The following CENPN variants were observed in gnomAD, a reference collection of about 807,000 sequenced individuals.
CENPN encodes the protein interphase centromere complex protein 32.
Under a neutral mutation model 48.6 loss-of-function variants are expected in CENPN, and 36 were observed. The ratio of observed to expected loss-of-function variants is 0.74; its 90% CI spans 0.57 to 0.98. The LOEUF (loss-of-function observed/expected upper bound fraction) is 0.98. Among genes scored for constraint, CENPN ranks in the 50% least tolerant of loss-of-function variants. The pLI is 0.00. For missense variants in CENPN, 439 were observed against 399.2 expected, an observed-to-expected ratio of 1.10 and a Z score of -0.85; for synonymous variants, 166 against 135.2, an observed-to-expected ratio of 1.23 and a Z score of -1.58.
rs929386059 is a variant in CENPN at position 81,010,956 on chromosome 16, C to G, written c.-10-974C>G. The stretch of plus-strand genomic sequence containing the variant: ...TCTCAGTACAGTAGCGAGATTGATC[C>G]TGGTAGAAAAGCTAAACAAGAGCAT... On this transcript the variant is annotated intron_variant, in intron 1 of 10. Transcript: ENST00000305850. Among the ~76,000 whole-genome samples, 11 of 152,168 alleles carry G rather than the reference C, an allele frequency of 7.2e-5. No homozygotes were observed. In the East Asian group the frequency reaches 1.3e-3, roughly 19 times the overall value.
At chr16:81,008,011 G>T (rs1486866733) in intron 1 of CENPN, among the ~76,000 whole-genome samples, 1 of 152,092 alleles carries the variant, frequency 6.6e-6, no homozygotes, top group Non-Finnish European at 1.5e-5. Context: ...GGAGGCTGAG[G>T]CAGGAGAAGC....
At position 81,020,085 on chromosome 16, in the gene CENPN, T is replaced by G. The variant is rs761787192; in HGVS notation, c.355-15T>G. 1.6e-5 allele frequency: 25 copies of G among 1,588,374 alleles called. No individual in the cohort carries two copies. In the African/African-American group the frequency reaches 2.7e-4, roughly 17 times the overall value. On this transcript the variant is annotated splice_polypyrimidine_tract_variant and intron_variant, in intron 5 of 10. Transcript: ENST00000305850. Reference sequence around the variant, plus strand: ...TAATTAGGAAATTAAGCCTTTTTTTTTTTTCTTTAATAAGGTGACAGTCAG... The same window carrying G: ...TAATTAGGAAATTAAGCCTTTTTTTGTTTTCTTTAATAAGGTGACAGTCAG...
chr16:81,026,533 A>T lies in CENPN; in HGVS notation c.705A>T (p.Ser235=). 2.6e-6 allele frequency: 4 copies of T among 1,562,578 alleles called. No individual in the cohort carries two copies. Among genetic ancestry groups the T allele is most frequent in the Non-Finnish European group, 3.5e-6 (4 of 1,137,110 alleles). ...RSLGLDINMD[S]RIIHENIVEK... is the part of the protein sequence containing the mutation. ...GAAATCTTCCACCCATAGTGGATTC[A>T]AGGATCATTCATGAAAACATAGTAG... Residue 235 remains serine, a synonymous_variant, in exon 9 of 11, where the codon TCA becomes TCT. Coordinates refer to ENST00000305850, the MANE Select transcript of CENPN (RefSeq NM_001100624.3).
downstream of CENPN, chr16:81,032,525 A>G (rs1970814153): frequency 2.0e-6 from 3 of 1,528,694 alleles, no homozygotes; most frequent in Non-Finnish European, 2.6e-6. Flanking sequence ...TTCTCCTATT[A>G]ATCCGTCTTT....
chr16:81,020,381 G>T, intron 6 of CENPN, 105 bp downstream of exon 6: 2 of 1,155,458 alleles, frequency 1.7e-6, no homozygotes, highest in East Asian at 5.5e-5. Flanking sequence ...TACTAGGCCA[G>T]GTGCAGTGGC....
In CENPN at chr16:81,029,432, C is replaced by A; in HGVS notation, c.*781C>A. The A allele has an allele frequency of 5.0e-6, 2 of 400,142 alleles. No individual in the cohort carries two copies. Among genetic ancestry groups the A allele is most frequent in the Non-Finnish European group, 3.4e-6 (1 of 295,022 alleles). The allele number at this position is 400,142 out of a possible 1,614,324, so 24.8% of individuals were successfully genotyped here. A position where few individuals can be genotyped will look rare whatever the true frequency, so the allele number is the denominator to read the frequency against. ...ATTTATTTATTGAGACAGGGTCTCACTGTGTCACCCAAGCTGGAGTGCAGT... is the reference window on the plus strand; with the variant it reads ...ATTTATTTATTGAGACAGGGTCTCAATGTGTCACCCAAGCTGGAGTGCAGT... On this transcript the variant is annotated 3_prime_UTR_variant, in exon 11 of 11. Coordinates refer to ENST00000305850, the MANE Select transcript of CENPN (RefSeq NM_001100624.3).
chr16:81,029,011 G>A lies in CENPN; in HGVS notation c.*360G>A. The A allele has an allele frequency of 8.0e-6, 8 of 996,972 alleles. No individual in the cohort carries two copies. The highest frequency in any genetic ancestry group is 4.5e-5 in the South Asian group (1 of 22,034). The allele number at this position is 996,972 out of a possible 1,614,324, so 61.8% of individuals were successfully genotyped here. A position where few individuals can be genotyped will look rare whatever the true frequency, so the allele number is the denominator to read the frequency against. On this transcript the variant is annotated 3_prime_UTR_variant, in exon 11 of 11. Transcript: ENST00000305850. Reference sequence around the variant, plus strand: ...ATGGCTGTCTCTTCTCAATTCTGGAGAGGTCTGGTTCCAGTGGCTGGTTTC... The same window carrying A: ...ATGGCTGTCTCTTCTCAATTCTGGAAAGGTCTGGTTCCAGTGGCTGGTTTC...
chr16:81,009,234 A>C (rs1468116270), intron 1 of CENPN, among the ~76,000 whole-genome samples: 1 of 152,204 alleles, frequency 6.6e-6, no homozygotes, highest in Non-Finnish European at 1.5e-5. Context: ...GGAAAAAAAC[A>C]ATTAGCAGTG....
At chr16:81,032,140 C>T (rs1970801595), downstream of CENPN, among the ~76,000 whole-genome samples, 2 of 152,164 alleles carry the variant, frequency 1.3e-5, no homozygotes, top group Non-Finnish European at 2.9e-5. Flanking sequence ...CTGGAATTTC[C>T]TTGTCTGACT....
Position 81,027,739 on chromosome 16 carries a change from C to A in CENPN, c.811-432C>A, listed in dbSNP as rs374602124. Among the ~76,000 whole-genome samples the A allele has an allele frequency of 1.8e-4, 27 of 152,274 alleles. No individual in the cohort carries two copies. In the East Asian group the frequency reaches 4.4e-3, roughly 25 times the overall value. The stretch of plus-strand genomic sequence containing the variant: ...TTTTTTTCTGAGATGCAGTTTCACT[C>A]TGTTGCCCAGGCTGGAGTGCAGTGG... On this transcript the variant is annotated intron_variant, in intron 9 of 10. Coordinates refer to ENST00000305850, the MANE Select transcript of CENPN (RefSeq NM_001100624.3).
At chr16:81,017,120 G>C (rs1969962945) in intron 3 of CENPN, 1 of 451,686 alleles carries the variant, frequency 2.2e-6, no homozygotes, top group African/African-American at 2.1e-5. Flanking sequence ...TATTATCTAA[G>C]TCAGTTGAAT....
chr16:81,024,937 T>A (rs1361871584), intron 8 of CENPN, among the ~76,000 whole-genome samples, 159 bp downstream of exon 8: 2 of 152,254 alleles, frequency 1.3e-5, no homozygotes, highest in African/African-American at 4.8e-5. Flanking sequence ...GGAAAGCTAA[T>A]CTACCATAGT....
chr16:81,018,952 G>C (rs961460314), intron 5 of CENPN, among the ~76,000 whole-genome samples: 2 of 152,186 alleles, frequency 1.3e-5, no homozygotes, highest in African/African-American at 2.4e-5. Context: ...GAGGGGAGCT[G>C]ATAATCCAGG....
chr16:81,007,699 G>C (rs373377773), intron 1 of CENPN, among the ~76,000 whole-genome samples: 1 of 152,250 alleles, frequency 6.6e-6, no homozygotes, highest in African/African-American at 2.4e-5. Flanking sequence ...GAGCGCAGCA[G>C]AGGTGTGTGG....
chr16:81,007,631 G>A (rs1456950316), intron 1 of CENPN, among the ~76,000 whole-genome samples: 1 of 152,156 alleles, frequency 6.6e-6, no homozygotes, highest in Non-Finnish European at 1.5e-5. Context: ...CTGTCACCTC[G>A]GCTTCCGTCG....
downstream of CENPN, among the ~76,000 whole-genome samples, chr16:81,031,675 A>G (rs1013575202): frequency 6.6e-6 from 1 of 151,784 alleles, no homozygotes; most frequent in Non-Finnish European, 1.5e-5. Flanking sequence ...TCATTCCTTA[A>G]CCCCCTACCT....
rs113311613 is a variant in CENPN at position 81,011,729 on chromosome 16, G to A, written c.-10-201G>A. On this transcript the variant is annotated intron_variant, in intron 1 of 10. Transcript: ENST00000305850. Reference sequence around the variant, plus strand: ...CTAAATATGATGCCGATGGCCAGGCGCAGTAGCTCACGCCTGTAATCCCAG... The same window carrying A: ...CTAAATATGATGCCGATGGCCAGGCACAGTAGCTCACGCCTGTAATCCCAG... Among the ~76,000 whole-genome samples the A allele has an allele frequency of 4.3e-3, 655 of 152,306 alleles. 1 individual carries two copies. Among genetic ancestry groups the A allele is most frequent in the Non-Finnish European group, 7.0e-3 (474 of 68,032 alleles).
chr16:81,012,776 G>A (rs145654892), intron 2 of CENPN, among the ~76,000 whole-genome samples: 262 of 152,294 alleles, frequency 1.7e-3, no homozygotes, highest in Admixed American at 3.5e-3. Context: ...TGTATTTTCA[G>A]TAGAGACGAG....
Position 81,029,124 on chromosome 16 carries a change from T to G in CENPN, c.*473T>G. On this transcript the variant is annotated 3_prime_UTR_variant, in exon 11 of 11. Coordinates refer to ENST00000305850, the MANE Select transcript of CENPN (RefSeq NM_001100624.3). ...AAACTTTTTAGGAGAATCATGAAAT[T>G]GGTCTATTCAAAGGATGGAGTTGAG... 2 of 985,696 alleles carry G rather than the reference T, an allele frequency of 2.0e-6. No individual in the cohort carries two copies. The highest frequency in any genetic ancestry group is 2.4e-6 in the Non-Finnish European group (2 of 830,176). 61.1% of individuals were successfully genotyped at this position (985,696 alleles called of 1,614,324 possible).
Sources: gnomAD v4.1 joint callset for allele counts (sites outside exome capture counted in the v4.1 genomes callset) on GRCh38, gnomAD v4.1.1 for gene constraint, MANE v1.5 for transcripts, NCBI Gene and HGNC (gene_info 2026-07-23, HGNC 2026-07-21) for gene names.